Variants in CDKL1 observed in about 807,000 individuals in gnomAD.
The protein encoded by CDKL1 is cyclin-dependent kinase-like 1.
CDKL1 carries 41 observed loss-of-function variants against 42.0 expected under a neutral mutation model. The ratio of observed to expected loss-of-function variants is 0.98; its 90% CI spans 0.76 to 1.27. The LOEUF is 1.27. CDKL1 is among the 50% of genes most tolerant of loss of function. The probability of loss-of-function intolerance (pLI) is 0.00; values close to 1 mark genes in which losing one functional copy is unlikely to be tolerated. For missense variants in CDKL1, 394 were observed against 428.4 expected, an observed-to-expected ratio of 0.92 and a Z score of 0.71; for synonymous variants, 153 against 158.6, an observed-to-expected ratio of 0.96 and a Z score of 0.26.
intron 2 of CDKL1, among the ~76,000 whole-genome samples, chr14:50,394,597 A>T (rs1230794194): frequency 6.6e-6 from 1 of 152,246 alleles, no homozygotes; most frequent in East Asian, 1.9e-4. Context: ...TCTGTCTCTC[A>T]TCAAGTAGCT....
intron 6 of CDKL1, among the ~76,000 whole-genome samples, chr14:50,339,290 C>G (rs534197734): frequency 4.5e-4 from 68 of 152,238 alleles, no homozygotes; most frequent in African/African-American, 1.6e-3. Context: ...TTCTTGTTCT[C>G]AGAGCCTACA....
At chr14:50,376,525 G>A (rs1226066728) in intron 2 of CDKL1, 1 of 287,592 alleles carries the variant, frequency 3.5e-6, no homozygotes. Context: ...TATTATGCAG[G>A]TATTAAGAAA....
chr14:50,362,874 A>G (rs970693729), intron 2 of CDKL1: 4 of 410,426 alleles, frequency 9.7e-6, no homozygotes, highest in African/African-American at 8.2e-5. Context: ...TGCCCGACCC[A>G]GCAGTGGCAA....
intron 2 of CDKL1, chr14:50,390,451 G>T (rs1477266601): frequency 2.4e-6 from 3 of 1,238,050 alleles, no homozygotes; most frequent in African/African-American, 3.2e-5. Context: ...GGGGCTTGGG[G>T]CCTTAGTAAT....
intron 2 of CDKL1, 92 bp downstream of exon 2, chr14:50,395,609 G>C: frequency 2.4e-6 from 2 of 840,872 alleles, no homozygotes; most frequent in Non-Finnish European, 3.8e-6. Context: ...CCAGGCTGCT[G>C]TGAGCTATGA....
chr14:50,379,690 A>ATTGCCAGAAGAAAC (rs1285001165), intron 2 of CDKL1, among the ~76,000 whole-genome samples: 1 of 152,154 alleles, frequency 6.6e-6, no homozygotes, highest in East Asian at 1.9e-4. Context: ...CCCGACTTGC[A>ATTGCCAGAAGAAAC]TTGCCAGAAG....
intron 7 of CDKL1, among the ~76,000 whole-genome samples, chr14:50,337,584 C>T (rs2033347248): frequency 6.6e-6 from 1 of 151,946 alleles, no homozygotes; most frequent in African/African-American, 2.4e-5. Context: ...ACCTCCTGTG[C>T]TCAAGCAATA....
At chr14:50,375,833 T>C (rs555474855) in intron 2 of CDKL1, among the ~76,000 whole-genome samples, 1 of 151,504 alleles carries the variant, frequency 6.6e-6, no homozygotes, top group East Asian at 1.9e-4. Context: ...GTTGATAGTA[T>C]GTACACTTGA....
intron 7 of CDKL1, chr14:50,335,564 T>C: frequency 6.5e-7 from 1 of 1,535,906 alleles, no homozygotes; most frequent in Non-Finnish European, 8.7e-7. Context: ...AATAACACTA[T>C]AAATGGGAGG....
In CDKL1 at chr14:50,330,275, T is replaced by G; in HGVS notation, c.967-94A>C. Reference sequence around the variant, plus strand: ...TCACAAAAGAGGTAATTAAGCTTTTTAGTATAGAAGTACTTTTTTTGCACA... The same window carrying G: ...TCACAAAAGAGGTAATTAAGCTTTTGAGTATAGAAGTACTTTTTTTGCACA... On this transcript the variant is annotated intron_variant, in intron 9 of 9. Transcript: ENST00000395834. The G allele has an allele frequency of 2.7e-6, 4 of 1,464,652 alleles. No homozygotes were observed. The South Asian group carries it at 5.3e-5, about 19-fold the overall frequency. 90.7% of individuals were successfully genotyped at this position (1,464,652 alleles called of 1,614,324 possible).
intron 3 of CDKL1, among the ~76,000 whole-genome samples, chr14:50,358,759 C>G (rs1179333543): frequency 2.0e-5 from 3 of 150,050 alleles, no homozygotes; most frequent in African/African-American, 7.4e-5. Flanking sequence ...CCTGCCTCAG[C>G]CTCCCGACTG....
chr14:50,395,158 G>C (rs2035362547), intron 2 of CDKL1, among the ~76,000 whole-genome samples: 1 of 152,122 alleles, frequency 6.6e-6, no homozygotes, highest in African/African-American at 2.4e-5. Flanking sequence ...TATACCAATA[G>C]GAAATACCTT....
chr14:50,396,932 G>T (rs1320799186), upstream of CDKL1: 1 of 343,186 alleles, frequency 2.9e-6, no homozygotes, highest in Non-Finnish European at 4.7e-6. Flanking sequence ...CTCCCGCCCC[G>T]GGTCTGCCTG....
intron 2 of CDKL1, among the ~76,000 whole-genome samples, chr14:50,359,538 T>C (rs1239329882): frequency 6.6e-5 from 10 of 152,124 alleles, no homozygotes; most frequent in Non-Finnish European, 1.5e-4. Context: ...TATGACTCTT[T>C]CAGAATTACT....
chr14:50,339,296 C>G (rs1284440344), intron 6 of CDKL1, among the ~76,000 whole-genome samples: 2 of 152,008 alleles, frequency 1.3e-5, no homozygotes, highest in Non-Finnish European at 2.9e-5. Context: ...TTCTCAGAGC[C>G]TACAGTGTAC....
intron 5 of CDKL1, 48 bp from the exon 6 acceptor site, chr14:50,341,280 A>G (rs749622097): frequency 6.5e-7 from 1 of 1,546,300 alleles, no homozygotes; most frequent in Non-Finnish European, 8.8e-7. Flanking sequence ...GAAGGCTGGA[A>G]TCAAAACTGA....
chr14:50,387,883 C>T (rs1488482440), intron 2 of CDKL1, among the ~76,000 whole-genome samples: 1 of 152,110 alleles, frequency 6.6e-6, no homozygotes, highest in East Asian at 1.9e-4. Flanking sequence ...GGATTTTCCA[C>T]TGAGGTGTTT....
chr14:50,332,903 CTT>C (rs35560184), intron 8 of CDKL1: 95,007 of 260,338 alleles, frequency 0.36, 10,520 homozygotes, highest in East Asian at 0.43. Flanking sequence ...AAATCAGCTA[CTT>C]TTTTTTTTTT....
At chr14:50,375,427 G>T (rs1442118565) in intron 2 of CDKL1, among the ~76,000 whole-genome samples, 1 of 152,154 alleles carries the variant, frequency 6.6e-6, no homozygotes, top group African/African-American at 2.4e-5. Flanking sequence ...CCCTCTGTAG[G>T]AGTGCGCTGC....
Sources: allele counts gnomAD v4.1 joint callset (sites outside exome capture counted in the v4.1 genomes callset), GRCh38; gene constraint gnomAD v4.1.1; transcripts MANE v1.5; gene names NCBI Gene and HGNC (gene_info 2026-07-23, HGNC 2026-07-21).